SNX29: variants seen among roughly 807,000 people sequenced by gnomAD.
SNX29 encodes the protein sorting nexin-29.
A neutral mutation model predicts 102.1 loss-of-function variants in SNX29; 78 were observed. The observed-to-expected ratio is 0.76, with a 90% confidence interval of 0.64 to 0.92. The LOEUF (loss-of-function observed/expected upper bound fraction) is 0.92. Among genes scored for constraint, SNX29 ranks in the 40% least tolerant of loss-of-function variants. The pLI is 0.00. For missense variants in SNX29, 1,280 were observed against 1,061.7 expected, an observed-to-expected ratio of 1.21 and a Z score of -2.86; for synonymous variants, 580 against 414.5, an observed-to-expected ratio of 1.40 and a Z score of -4.85.
chr16:12,452,166 C>G (rs1461767720), intron 18 of SNX29, among the ~76,000 whole-genome samples: 3 of 152,226 alleles, frequency 2.0e-5, no homozygotes, highest in African/African-American at 7.2e-5. Flanking sequence ...CAAGTTCTAG[C>G]TGAGTGGCCC....
In SNX29 at chr16:12,472,664, C is replaced by G. The variant is rs149491761; in HGVS notation, c.2038-5055C>G. ...TCATAGGAACACTCTGGTAGACGCT[C>G]TTCATCTTCTAAAAGAAAGCGTCTC... On this transcript the variant is annotated intron_variant, in intron 18 of 20. Transcript: ENST00000566228. Among the ~76,000 whole-genome samples the G allele has an allele frequency of 4.5e-3, 688 of 152,154 alleles. 13 individuals are homozygous for G. The highest frequency in any genetic ancestry group is 0.016 in the African/African-American group (649 of 41,504).
At chr16:12,311,589 G>C (rs2080550362) in intron 15 of SNX29, among the ~76,000 whole-genome samples, 1 of 152,224 alleles carries the variant, frequency 6.6e-6, no homozygotes, top group South Asian at 2.1e-4. Flanking sequence ...CCGCCTTTAG[G>C]TCTGAGCCCT....
intron 14 of SNX29, among the ~76,000 whole-genome samples, chr16:12,267,643 G>C (rs2142569261): frequency 6.6e-6 from 1 of 152,332 alleles, no homozygotes; most frequent in Admixed American, 6.5e-5. Context: ...GACCAGGGCT[G>C]TCCGGAAAGA....
At chr16:12,425,676 G>A (rs555389013) in intron 18 of SNX29, among the ~76,000 whole-genome samples, 68 of 152,172 alleles carry the variant, frequency 4.5e-4, no homozygotes, top group African/African-American at 9.4e-4. Context: ...GGGCAGCCTG[G>A]GCCAGTTCTA....
At chr16:12,447,531 G>A (rs896154025) in intron 18 of SNX29, among the ~76,000 whole-genome samples, 2 of 152,150 alleles carry the variant, frequency 1.3e-5, no homozygotes, top group Non-Finnish European at 2.9e-5. Flanking sequence ...GGACAGAGCC[G>A]AGATTTCATA....
chr16:12,564,297 T>G (rs1470727560), intron 20 of SNX29, among the ~76,000 whole-genome samples: 1 of 152,230 alleles, frequency 6.6e-6, no homozygotes, highest in Admixed American at 6.5e-5. Flanking sequence ...CCTATGAAGT[T>G]GCTGGCTAGA....
chr16:12,126,295 AC>A (rs2054211458), intron 11 of SNX29, among the ~76,000 whole-genome samples: 1 of 152,214 alleles, frequency 6.6e-6, no homozygotes, highest in Admixed American at 6.5e-5. Flanking sequence ...CATCTCACTT[AC>A]ATATTGTCTT....
chr16:12,385,671 C>G (rs1275309984), intron 16 of SNX29, among the ~76,000 whole-genome samples: 1 of 152,176 alleles, frequency 6.6e-6, no homozygotes, highest in African/African-American at 2.4e-5. Flanking sequence ...AACATGCAAA[C>G]AAAGGAAAAG....
At chr16:12,467,620 G>GTTTC (rs1342586429) in intron 18 of SNX29, among the ~76,000 whole-genome samples, 2 of 116,408 alleles carry the variant, frequency 1.7e-5, no homozygotes, top group East Asian at 5.4e-4. Context: ...TTGTTCGTTC[G>GTTTC]TTAGTTCGTT....
At chr16:12,383,772 C>CTTTTTTTTTT (rs58531196) in intron 16 of SNX29, among the ~76,000 whole-genome samples, 1 of 105,962 alleles carries the variant, frequency 9.4e-6, no homozygotes, top group Non-Finnish European at 1.9e-5. Flanking sequence ...CGTCAACTTT[C>CTTTTTTTTTT]TTTTTTTTTT....
chr16:12,417,133 A>G (rs535659282), intron 18 of SNX29, among the ~76,000 whole-genome samples: 65 of 152,238 alleles, frequency 4.3e-4, no homozygotes, highest in African/African-American at 1.5e-3. Flanking sequence ...CCATGAGACA[A>G]TCAGGGGCGG....
intron 10 of SNX29, among the ~76,000 whole-genome samples, chr16:12,072,344 C>A (rs1435411755): frequency 1.3e-5 from 2 of 152,166 alleles, no homozygotes; most frequent in Non-Finnish European, 2.9e-5. Context: ...TACGTCCCAT[C>A]AATACCTAAT....
intron 20 of SNX29, among the ~76,000 whole-genome samples, chr16:12,554,823 CTG>C (rs1318248660): frequency 2.0e-5 from 3 of 152,190 alleles, no homozygotes; most frequent in Non-Finnish European, 4.4e-5. Flanking sequence ...AGCACCTGCT[CTG>C]TGCCATTCTT....
intron 1 of SNX29, among the ~76,000 whole-genome samples, chr16:11,998,557 C>T (rs986188613): frequency 6.6e-6 from 1 of 152,168 alleles, no homozygotes. Flanking sequence ...TTGTGATTCT[C>T]TAGGTCTTTC....
intron 18 of SNX29, among the ~76,000 whole-genome samples, chr16:12,444,019 TAGTAAGCACTCAGTATAGCACCTAGCAC>T (rs1299560276): frequency 2.0e-5 from 3 of 151,958 alleles, no homozygotes; most frequent in Admixed American, 1.3e-4. Context: ...ACCTAGCACG[TAGTAAGCACTCAGTATAGCACCTAGCAC>T]GTAGTAAGCA....
At chr16:12,031,501 T>C (rs1212120600) in intron 4 of SNX29, among the ~76,000 whole-genome samples, 17 of 151,858 alleles carry the variant, frequency 1.1e-4, no homozygotes, top group Non-Finnish European at 2.4e-4. Flanking sequence ...GCGAAACTTC[T>C]ATTCTCTCTT....
chr16:12,433,661 CTGGGCGTGG>C lies in SNX29; in HGVS notation c.2037+30147_2037+30155del, dbSNP rs546906454. Among the ~76,000 whole-genome samples, 350 of 142,170 alleles carry C rather than the reference CTGGGCGTGG, an allele frequency of 2.5e-3. 2 individuals are homozygous for C. The highest frequency in any genetic ancestry group is 4.0e-3 in the Non-Finnish European group (264 of 65,558). 93.3% of individuals were successfully genotyped at this position (142,170 alleles called of 152,430 possible). Reference sequence around the variant, plus strand: ...AAAAAAAAAAAAAAAGGAAACTTAGCTGGGCGTGGTGGGCGTGGTGGGCATGGTGGTGCG... The same window carrying C: ...AAAAAAAAAAAAAAAGGAAACTTAGCTGGGCGTGGTGGGCATGGTGGTGCG... On this transcript the variant is annotated intron_variant, in intron 18 of 20. Coordinates refer to ENST00000566228, the MANE Select transcript of SNX29 (RefSeq NM_032167.5).
intron 18 of SNX29, among the ~76,000 whole-genome samples, chr16:12,474,668 A>G (rs761211632): frequency 2.0e-4 from 30 of 152,182 alleles, no homozygotes; most frequent in Non-Finnish European, 2.6e-4. Flanking sequence ...AAAGATGTGT[A>G]TTGGTATTCA....
At chr16:12,227,257 G>A (rs2077639293) in intron 14 of SNX29, among the ~76,000 whole-genome samples, 1 of 152,186 alleles carries the variant, frequency 6.6e-6, no homozygotes, top group Non-Finnish European at 1.5e-5. Context: ...GTGTGGTTAG[G>A]AACAGCCCTG....
Sources: allele counts gnomAD v4.1 joint callset (sites outside exome capture counted in the v4.1 genomes callset), GRCh38; gene constraint gnomAD v4.1.1; transcripts MANE v1.5; gene names NCBI Gene and HGNC (gene_info 2026-07-23, HGNC 2026-07-21).